UCP1: variants seen among roughly 807,000 people sequenced by gnomAD.
UCP1 encodes the protein mitochondrial brown fat uncoupling protein 1.
In UCP1, 24 loss-of-function variants were observed where a neutral mutation model predicts 26.2. The observed-to-expected ratio is 0.92, with a 90% CI of 0.66 to 1.29. UCP1 has a LOEUF of 1.29. UCP1 is among the 50% of genes most tolerant of loss of function. UCP1 has a pLI of 0.00. For missense variants in UCP1, 402 were observed against 388.7 expected, an observed-to-expected ratio of 1.03 and a Z score of -0.29; for synonymous variants, 164 against 156.8, an observed-to-expected ratio of 1.05 and a Z score of -0.34.
rs1735639223 is a variant in UCP1 at position 140,559,888 on chromosome 4, G to C, written c.*8C>G. 1 of 1,606,644 alleles carries C rather than the reference G, an allele frequency of 6.2e-7. No homozygotes were observed. The highest frequency in any genetic ancestry group is 8.5e-7 in the Non-Finnish European group (1 of 1,173,428). ...CACTGGTATGTTACATCATTTTCTT[G>C]AAGCTGATTATGTGGCACAGTCCAT... On this transcript the variant is annotated 3_prime_UTR_variant, in exon 6 of 6. Transcript: ENST00000262999.
intron 1 of UCP1, among the ~76,000 whole-genome samples, chr4:140,568,292 T>C (rs1272791135): frequency 6.6e-6 from 1 of 152,144 alleles, no homozygotes; most frequent in African/African-American, 2.4e-5. Flanking sequence ...AAAAAGCACC[T>C]GACTAGTAAA....
At position 140,567,833 on chromosome 4, in the gene UCP1, G is replaced by C. The variant is rs760871313; in HGVS notation, c.271C>G (p.Leu91Val). The change falls in exon 2 of 6, where the codon CTC becomes GTC. Residue 91 changes from leucine (L) to valine (V), a missense_variant. By Grantham distance (32) the Leu-to-Val change is conservative. Coordinates refer to ENST00000262999, the MANE Select transcript of UCP1 (RefSeq NM_021833.5). ...ACCGTGTCGTAGAGGCCGATCCTGA[G>C]AGAGGCGGAGCTGATTTGCCGCTGA... ...GLQRQISSAS[L>V]RIGLYDTVQE... 2 of 1,614,026 alleles carry C rather than the reference G, an allele frequency of 1.2e-6. No homozygotes were observed. The highest frequency in any genetic ancestry group is 1.7e-6 in the Non-Finnish European group (2 of 1,180,040).
Position 140,563,429 on chromosome 4 carries a change from C to T in UCP1, c.415G>A (p.Val139Ile), listed in dbSNP as rs771475967. The change falls in exon 3 of 6, where the codon GTC becomes ATC. Residue 139 changes from valine (V) to isoleucine (I), a missense_variant. By Grantham distance (29) the Val-to-Ile change is conservative. Transcript: ENST00000262999. The stretch of plus-strand genomic sequence containing the variant: ...AGATGGCTCTGTGCTTGAAGTCTGA[C>T]TTTCACGACCTCTGTGGGTTGCCCA... ...FIGQPTEVVK[V>I]RLQAQSHLHG... The T allele has an allele frequency of 1.1e-5, 18 of 1,614,000 alleles. No homozygotes were observed. In the Admixed American group the frequency reaches 3.0e-4, roughly 27 times the overall value.
intron 2 of UCP1, among the ~76,000 whole-genome samples, chr4:140,566,488 G>A (rs1412265697): frequency 1.3e-5 from 2 of 152,110 alleles, no homozygotes; most frequent in African/African-American, 4.8e-5. Flanking sequence ...CCTCCTTTGT[G>A]TTTCCTCTCT....
rs377122251 is a variant in UCP1, at chr4:140,562,280, A to G, written c.722T>C (p.Ile241Thr). The G allele has an allele frequency of 2.5e-6, 4 of 1,614,176 alleles. No homozygotes were observed. Among genetic ancestry groups the G allele is most frequent in the Non-Finnish European group, 3.4e-6 (4 of 1,180,020 alleles). The change falls in exon 5 of 6, where the codon ATT becomes ACT. Residue 241 changes from isoleucine to threonine, a missense_variant. Ile to Thr is a moderately conservative substitution (Grantham distance 89, BLOSUM62 -1). Coordinates refer to ENST00000262999, the MANE Select transcript of UCP1 (RefSeq NM_021833.5). ...TTTGTACTGTCCTGGTGGAGAATTA[A>G]TAAATCTGGTTTTTACTACATCCAC... is the stretch of plus-strand genomic sequence containing the variant. The part of the protein sequence containing the change: ...SPVDVVKTRF[I>T]NSPPGQYKSV...
intron 5 of UCP1, among the ~76,000 whole-genome samples, chr4:140,561,480 G>A (rs1301940963): frequency 6.6e-6 from 1 of 152,064 alleles, no homozygotes; most frequent in Non-Finnish European, 1.5e-5. Flanking sequence ...AGCTTCCCAA[G>A]TAGAGGGGAC....
At position 140,559,926 on chromosome 4, in the gene UCP1, C is replaced by T; in HGVS notation, c.894G>A (p.Lys298=). The change falls in exon 6 of 6, where the codon AAG becomes AAA. Residue 298 remains lysine, a synonymous_variant. Coordinates refer to ENST00000262999, the MANE Select transcript of UCP1 (RefSeq NM_021833.5). ...CFEQLKRELS[K]SRQTMDCAT The stretch of plus-strand genomic sequence containing the variant: ...TGGCACAGTCCATAGTCTGCCTTGA[C>T]TTTGACAGTTCTCGTTTCAGTTGTT... 1 of 1,614,068 alleles carries T rather than the reference C, an allele frequency of 6.2e-7. No individual in the cohort carries two copies.
At chr4:140,560,117 A>G (rs960416553) in intron 5 of UCP1, 107 bp from the exon 6 acceptor site, 1 of 920,896 alleles carries the variant, frequency 1.1e-6, no homozygotes, top group Admixed American at 2.0e-5. Context: ...CAGTAGTGTA[A>G]TCATAGCTCA....
chr4:140,567,914 C>G lies in UCP1; in HGVS notation c.190G>C (p.Ala64Pro). The change falls in exon 2 of 6, where the codon GCT (alanine) becomes CCT (proline). Residue 64 changes from alanine (A) to proline (P), a missense_variant. Coordinates refer to ENST00000262999, the MANE Select transcript of UCP1 (RefSeq NM_021833.5). ...RYKGVLGTIT[A>P]VVKTEGRMKL... ...ATCCGCCCTTCTGTTTTTACCACAGCGGTGATTGTTCCCAGGACACCTTTA... is the reference window on the plus strand; with the variant it reads ...ATCCGCCCTTCTGTTTTTACCACAGGGGTGATTGTTCCCAGGACACCTTTA... 1 of 1,614,106 alleles carries G rather than the reference C, an allele frequency of 6.2e-7. No individual in the cohort carries two copies. The highest frequency in any genetic ancestry group is 1.1e-5 in the South Asian group (1 of 91,080).
rs1735636314 is a variant in UCP1 at position 140,559,721 on chromosome 4, A to T, written c.*175T>A. 1 of 636,270 alleles carries T rather than the reference A, an allele frequency of 1.6e-6. No individual in the cohort carries two copies. Among genetic ancestry groups the T allele is most frequent in the Admixed American group, 2.9e-5 (1 of 34,386 alleles). The allele number at this position is 636,270 out of a possible 1,614,324, so 39.4% of individuals were successfully genotyped here. ...CCTTCTTAAGACACTGAGAAAAAAA[A>T]AAAGTTATATGAAATAGGCATTAAT... is the stretch of plus-strand genomic sequence containing the variant. On this transcript the variant is annotated 3_prime_UTR_variant, in exon 6 of 6. Coordinates refer to ENST00000262999, the MANE Select transcript of UCP1 (RefSeq NM_021833.5).
At chr4:140,565,731 C>T (rs1735781826) in intron 2 of UCP1, among the ~76,000 whole-genome samples, 1 of 152,000 alleles carries the variant, frequency 6.6e-6, no homozygotes, top group African/African-American at 2.4e-5. Context: ...CTGGAGTACT[C>T]CTGCTGGCCC....
At chr4:140,566,270 C>G (rs2110914922) in intron 2 of UCP1, among the ~76,000 whole-genome samples, 1 of 152,360 alleles carries the variant, frequency 6.6e-6, no homozygotes, top group South Asian at 2.1e-4. Flanking sequence ...ATACTCTCAA[C>G]TGTAAGCTCT....
At chr4:140,566,545 C>T (rs1472711818) in intron 2 of UCP1, among the ~76,000 whole-genome samples, 1 of 152,156 alleles carries the variant, frequency 6.6e-6, no homozygotes, top group Non-Finnish European at 1.5e-5. Context: ...TAGTAACATC[C>T]AGACTTTATC....
chr4:140,563,073 G>A, intron 4 of UCP1, 37 bp downstream of exon 4: 1 of 1,522,374 alleles, frequency 6.6e-7, no homozygotes. Context: ...AACTTCTAAA[G>A]GTGCAGACCT....
chr4:140,568,524 A>C, intron 1 of UCP1, 80 bp downstream of exon 1: 5 of 1,596,978 alleles, frequency 3.1e-6, no homozygotes, highest in Non-Finnish European at 4.3e-6. Context: ...TGGTTACACC[A>C]AAGCAGAGAA....
chr4:140,566,569 T>A (rs1252323712), intron 2 of UCP1, among the ~76,000 whole-genome samples: 2 of 152,240 alleles, frequency 1.3e-5, no homozygotes, highest in African/African-American at 4.8e-5. Context: ...ACTTTGAAAG[T>A]ACTTGTGTGG....
chr4:140,562,513 G>T, intron 4 of UCP1, 140 bp from the exon 5 acceptor site: 2 of 908,632 alleles, frequency 2.2e-6, no homozygotes, highest in South Asian at 3.2e-5. Flanking sequence ...AATAAGAAAG[G>T]TATTGCACTA....
Position 140,567,769 on chromosome 4 carries a change from C to A in UCP1, c.325+10G>T, listed in dbSNP as rs1281932348. The A allele has an allele frequency of 6.2e-7, 1 of 1,613,752 alleles. No individual in the cohort carries two copies. Among genetic ancestry groups the A allele is most frequent in the Non-Finnish European group, 8.5e-7 (1 of 1,179,924 alleles). On this transcript the variant is annotated intron_variant, in intron 2 of 5. Coordinates refer to ENST00000262999, the MANE Select transcript of UCP1 (RefSeq NM_021833.5). Reference sequence around the variant, plus strand: ...CTTTTCTGCCCCTCCCAGGAACGCTCACGGCTTACTTTCTTTCCCTGCGGT... The same window carrying A: ...CTTTTCTGCCCCTCCCAGGAACGCTAACGGCTTACTTTCTTTCCCTGCGGT...
chr4:140,568,472 G>A (rs1735854248), intron 1 of UCP1, 132 bp downstream of exon 1: 29 of 1,469,428 alleles, frequency 2.0e-5, no homozygotes, highest in Non-Finnish European at 2.7e-5. Context: ...CTGGGACAAG[G>A]CCAGACTGCT....
Sources: allele counts gnomAD v4.1 joint callset (sites outside exome capture counted in the v4.1 genomes callset), GRCh38; gene constraint gnomAD v4.1.1; transcripts MANE v1.5; gene names NCBI Gene and HGNC (gene_info 2026-07-23, HGNC 2026-07-21).